The following NR6A1 variants were observed in gnomAD, a reference collection of about 807,000 sequenced individuals.
The protein encoded by NR6A1 is nuclear receptor subfamily 6 group A member 1.
NR6A1 carries 7 observed loss-of-function variants against 59.1 expected under a neutral mutation model. The observed-to-expected ratio is 0.12, with a 90% CI of 0.07 to 0.22. NR6A1 has a LOEUF of 0.22. NR6A1 is among the 10% of genes least tolerant of loss of function. The probability of loss-of-function intolerance (pLI) is 1.00; values close to 1 mark genes in which losing one functional copy is unlikely to be tolerated. For synonymous variants in NR6A1, 243 were observed against 236.1 expected (o/e 1.03, Z -0.27); for missense variants, 468 against 611.6 (o/e 0.77, Z 2.48).
chr9:124,639,310 A>G (rs182077101), intron 2 of NR6A1, among the ~76,000 whole-genome samples: 2 of 152,344 alleles, frequency 1.3e-5, no homozygotes, highest in Non-Finnish European at 2.9e-5. Flanking sequence ...CATGCCAACA[A>G]TAACGAGGTC....
intron 2 of NR6A1, among the ~76,000 whole-genome samples, chr9:124,664,115 G>T (rs1837530469): frequency 6.6e-6 from 1 of 152,052 alleles, no homozygotes; most frequent in East Asian, 1.9e-4. Flanking sequence ...GGAATTCCTG[G>T]GCAAGGTATT....
At chr9:124,768,887 G>GCATTAT (rs1386958669) in intron 1 of NR6A1, among the ~76,000 whole-genome samples, 24 of 152,132 alleles carry the variant, frequency 1.6e-4, no homozygotes, top group Non-Finnish European at 3.1e-4. Context: ...TATATGCACA[G>GCATTAT]GTGGGTACAG....
At chr9:124,767,814 T>C (rs1331818447) in intron 1 of NR6A1, among the ~76,000 whole-genome samples, 4 of 152,254 alleles carry the variant, frequency 2.6e-5, no homozygotes, top group Non-Finnish European at 5.9e-5. Context: ...AAATATGCTT[T>C]TAATTACTTA....
chr9:124,536,347 AGGAAAGGCTGCTAAGG>A (rs1303636715), intron 6 of NR6A1, among the ~76,000 whole-genome samples: 1 of 151,730 alleles, frequency 6.6e-6, no homozygotes, highest in African/African-American at 2.4e-5. Context: ...GGGTCTGGTG[AGGAAAGGCTGCTAAGG>A]GGAAAGGAGA....
chr9:124,720,296 C>T (rs566009455), intron 2 of NR6A1, among the ~76,000 whole-genome samples: 3 of 152,164 alleles, frequency 2.0e-5, no homozygotes, highest in South Asian at 4.1e-4. Context: ...GGTGATCCAC[C>T]CACCTCAGCC....
At chr9:124,525,082 T>C (rs904167738) in intron 8 of NR6A1, among the ~76,000 whole-genome samples, 2 of 152,168 alleles carry the variant, frequency 1.3e-5, no homozygotes, top group African/African-American at 4.8e-5. Context: ...CAGAGGACAG[T>C]AAGCAGACAG....
In NR6A1 at chr9:124,526,797, T is replaced by C. The variant is rs1832950679; in HGVS notation, c.1183A>G (p.Ile395Val). The change falls in exon 8 of 10, where the codon ATT (isoleucine) becomes GTT (valine). Residue 395 changes from isoleucine (I) to valine (V), a missense_variant. This residue lies in a region of NR6A1 where 176 missense variants were observed against 264.0 expected (regional missense o/e 0.67). Coordinates refer to ENST00000487099, the MANE Select transcript of NR6A1 (RefSeq NM_033334.4). ...CACTCACCTTGATTTAGGAAGTTAATTGCTTTCATGCAAGCATACTCCTCG... is the reference window on the plus strand; with the variant it reads ...CACTCACCTTGATTTAGGAAGTTAACTGCTTTCATGCAAGCATACTCCTCG... Reference protein sequence around the residue: ...SNEEYACMKAINFLNQDIRGL... With the variant: ...SNEEYACMKAVNFLNQDIRGL... 2.5e-6 allele frequency: 4 copies of C among 1,613,798 alleles called. No homozygotes were observed. Among genetic ancestry groups the C allele is most frequent in the Admixed American group, 1.7e-5 (1 of 60,014 alleles).
At chr9:124,632,309 C>T (rs1162876031) in intron 2 of NR6A1, among the ~76,000 whole-genome samples, 8 of 152,144 alleles carry the variant, frequency 5.3e-5, no homozygotes, top group East Asian at 1.9e-4. Flanking sequence ...TCCTTTTTCT[C>T]GACAATCTTG....
At chr9:124,629,210 C>G (rs76566002) in intron 2 of NR6A1, among the ~76,000 whole-genome samples, 1 of 152,174 alleles carries the variant, frequency 6.6e-6, no homozygotes, top group Admixed American at 6.5e-5. Flanking sequence ...GGGCAGGAAC[C>G]TACAGAACGA....
chr9:124,551,358 T>C (rs1271662510), intron 3 of NR6A1, among the ~76,000 whole-genome samples: 1 of 152,236 alleles, frequency 6.6e-6, no homozygotes, highest in East Asian at 1.9e-4. Flanking sequence ...GATTCCAATC[T>C]AGCACGAGGG....
In NR6A1 at chr9:124,536,029, C is replaced by G. The variant is rs779921473; in HGVS notation, c.928G>C (p.Glu310Gln). 5.6e-6 allele frequency: 9 copies of G among 1,614,058 alleles called. No individual in the cohort carries two copies. The highest frequency in any genetic ancestry group is 3.3e-5 in the Admixed American group (2 of 60,012). Residue 310 changes from glutamate (E) to glutamine (Q), a missense_variant, in exon 7 of 10, where the codon GAG becomes CAG. By Grantham distance (29) the Glu-to-Gln change is conservative. Around this residue, in one of 4 missense-constraint regions of NR6A1, gnomAD observed 176 missense variants for 264.0 expected, o/e 0.67. Transcript: ENST00000487099. ...CACGTGTAATCCTTGATTGAGAGCT[C>G]GCAGAAGAAAGGCAGTTTCTTGATC... ...AWIKKLPFFCELSIKDYTCLL... is the reference protein window; with the variant it reads ...AWIKKLPFFCQLSIKDYTCLL...
At chr9:124,712,865 C>T (rs1222254969) in intron 2 of NR6A1, among the ~76,000 whole-genome samples, 17 of 152,226 alleles carry the variant, frequency 1.1e-4, no homozygotes, top group African/African-American at 4.1e-4. Flanking sequence ...GGTATGAAAA[C>T]ATAACTGATT....
chr9:124,594,329 C>T (rs1039516654), intron 2 of NR6A1, among the ~76,000 whole-genome samples: 28 of 152,086 alleles, frequency 1.8e-4, no homozygotes, highest in African/African-American at 6.3e-4. Context: ...AAATATGAAC[C>T]AGGGGAGAAC....
At chr9:124,736,069 G>A (rs1436543829) in intron 1 of NR6A1, among the ~76,000 whole-genome samples, 4 of 152,154 alleles carry the variant, frequency 2.6e-5, no homozygotes, top group African/African-American at 4.8e-5. Flanking sequence ...AAGTGAAACT[G>A]AGAATAAGCA....
intron 2 of NR6A1, among the ~76,000 whole-genome samples, chr9:124,717,744 G>C (rs928503929): frequency 3.9e-5 from 6 of 152,182 alleles, no homozygotes; most frequent in Non-Finnish European, 2.9e-5. Flanking sequence ...ATAAGGACAT[G>C]GACTTTGGGA....
chr9:124,701,388 T>C (rs1367136292), intron 2 of NR6A1, among the ~76,000 whole-genome samples: 3 of 152,370 alleles, frequency 2.0e-5, no homozygotes, highest in Middle Eastern at 3.4e-3. Flanking sequence ...ATTTTTAATT[T>C]TTATTGTAGT....
intron 2 of NR6A1, among the ~76,000 whole-genome samples, chr9:124,580,296 ATT>A (rs1447833071): frequency 6.6e-6 from 1 of 152,210 alleles, no homozygotes; most frequent in African/African-American, 2.4e-5. Flanking sequence ...TACATACTCT[ATT>A]ATTTCATTCA....
chr9:124,679,903 A>G (rs900714963), intron 2 of NR6A1, among the ~76,000 whole-genome samples: 20 of 136,636 alleles, frequency 1.5e-4, no homozygotes, highest in African/African-American at 5.4e-4. Context: ...TCTCAAAGAG[A>G]AAAAAAAAAA....
chr9:124,645,678 TA>T (rs1836910525), intron 2 of NR6A1, among the ~76,000 whole-genome samples: 1 of 152,126 alleles, frequency 6.6e-6, no homozygotes, highest in Non-Finnish European at 1.5e-5. Context: ...AAAAAACAGA[TA>T]AATCCACCCT....
Sources: allele counts gnomAD v4.1 joint callset (sites outside exome capture counted in the v4.1 genomes callset), GRCh38; gene constraint gnomAD v4.1.1; regional missense constraint gnomAD v4.1.1; transcripts MANE v1.5; gene names NCBI Gene and HGNC (gene_info 2026-07-23, HGNC 2026-07-21).